Variants in PTPRR observed in about 807,000 individuals in gnomAD.
PTPRR encodes the protein protein tyrosine phosphatase receptor type R.
A neutral mutation model predicts 77.2 loss-of-function variants in PTPRR; 38 were observed. The observed-to-expected ratio is 0.49, with a 90% CI of 0.38 to 0.65. The LOEUF (loss-of-function observed/expected upper bound fraction) is 0.65. Among genes scored for constraint, PTPRR ranks in the 30% least tolerant of loss-of-function variants. The pLI, the probability that PTPRR is intolerant of heterozygous loss-of-function variation, is 0.00. For synonymous variants in PTPRR, 299 were observed against 283.1 expected, an observed-to-expected ratio of 1.06 and a Z score of -0.57; for missense variants, 744 against 799.2, an observed-to-expected ratio of 0.93 and a Z score of 0.83.
intron 8 of PTPRR, among the ~76,000 whole-genome samples, chr12:70,697,841 A>C (rs961589295): frequency 6.6e-6 from 1 of 152,182 alleles, no homozygotes; most frequent in Admixed American, 6.6e-5. Context: ...TCAGGTAGCC[A>C]TAATGTGTGG....
chr12:70,754,296 AT>A lies in PTPRR; in HGVS notation c.632del (p.Asn211MetfsTer31). 1 of 1,613,080 alleles carries A rather than the reference AT, an allele frequency of 6.2e-7. No homozygotes were observed. The highest frequency in any genetic ancestry group is 8.5e-7 in the Non-Finnish European group (1 of 1,179,662). The stretch of plus-strand genomic sequence containing the variant: ...CCGCTTCATGCTGCCCTTGTAAAAC[AT>A]TTTTCTTTAAAAGCAAAACAGAAAG... ...FGITEVSPEK[N>X]VLQGQHEADK... On this transcript the variant is annotated frameshift_variant, in exon 5 of 14. Transcript: ENST00000283228. LOFTEE classifies it high-confidence loss of function.
intron 2 of PTPRR, among the ~76,000 whole-genome samples, chr12:70,808,797 C>T (rs776055448): frequency 7.2e-5 from 11 of 152,084 alleles, no homozygotes; most frequent in Non-Finnish European, 1.6e-4. Flanking sequence ...CCATTTTTAC[C>T]CCTATTGCCT....
intron 2 of PTPRR, among the ~76,000 whole-genome samples, chr12:70,878,958 T>C (rs1243002712): frequency 1.3e-5 from 2 of 152,130 alleles, no homozygotes; most frequent in African/African-American, 4.8e-5. Flanking sequence ...TGTAGGGACA[T>C]GGATGAAGCT....
intron 6 of PTPRR, among the ~76,000 whole-genome samples, chr12:70,727,361 A>C (rs1318633845): frequency 6.6e-6 from 1 of 152,176 alleles, no homozygotes; most frequent in Non-Finnish European, 1.5e-5. Context: ...GATTGATTGA[A>C]GACCTTAATT....
chr12:70,795,243 C>T (rs538527956), intron 2 of PTPRR, among the ~76,000 whole-genome samples: 4 of 152,142 alleles, frequency 2.6e-5, no homozygotes, highest in East Asian at 1.9e-4. Context: ...TGTTACACAC[C>T]CAACTTATAT....
intron 5 of PTPRR, among the ~76,000 whole-genome samples, chr12:70,747,175 T>C (rs2136931334): frequency 6.6e-6 from 1 of 152,320 alleles, no homozygotes; most frequent in East Asian, 1.9e-4. Flanking sequence ...TTTAACTCAC[T>C]GCTTCTCTTC....
chr12:70,701,328 A>G lies in PTPRR; in HGVS notation c.1008-5T>C, dbSNP rs376443192. ...AGAGATACGTTGGACCCTCTTCTAC[A>G]TTGGAGAAGAATGTTATGTTTAAAC... On this transcript the variant is annotated splice_region_variant and splice_polypyrimidine_tract_variant and intron_variant, in intron 6 of 13. Transcript: ENST00000283228. 1.4e-5 allele frequency: 22 copies of G among 1,611,214 alleles called. No homozygotes were observed. Among genetic ancestry groups the G allele is most frequent in the Non-Finnish European group, 1.7e-5 (20 of 1,177,926 alleles).
intron 6 of PTPRR, among the ~76,000 whole-genome samples, chr12:70,728,209 T>C (rs544860674): frequency 5.2e-4 from 75 of 145,518 alleles, no homozygotes; most frequent in Non-Finnish European, 9.9e-4. Context: ...TGGATTTTTT[T>C]TTTTTCAGAT....
intron 7 of PTPRR, among the ~76,000 whole-genome samples, chr12:70,700,217 C>T (rs1888370267): frequency 6.6e-6 from 1 of 152,162 alleles, no homozygotes; most frequent in Non-Finnish European, 1.5e-5. Context: ...AGGATGGCTG[C>T]AAATGCCTGA....
At chr12:70,869,265 G>T (rs1892919546) in intron 2 of PTPRR, among the ~76,000 whole-genome samples, 1 of 152,086 alleles carries the variant, frequency 6.6e-6, no homozygotes, top group African/African-American at 2.4e-5. Context: ...CTCACTGAGG[G>T]TCACTCAAAA....
chr12:70,882,076 T>C (rs1893158516), intron 2 of PTPRR, among the ~76,000 whole-genome samples: 1 of 152,152 alleles, frequency 6.6e-6, no homozygotes, highest in African/African-American at 2.4e-5. Context: ...TTCAACCTGG[T>C]TAAAGGTTTT....
intron 10 of PTPRR, among the ~76,000 whole-genome samples, chr12:70,683,492 A>C (rs576287322): frequency 6.6e-5 from 10 of 152,244 alleles, no homozygotes; most frequent in African/African-American, 2.4e-4. Context: ...TGGTTTCTGT[A>C]ACTGTCCTCA....
At chr12:70,880,999 C>T (rs1204020652) in intron 2 of PTPRR, among the ~76,000 whole-genome samples, 1 of 151,928 alleles carries the variant, frequency 6.6e-6, no homozygotes, top group Non-Finnish European at 1.5e-5. Context: ...ATTCATTTTC[C>T]CACACACAAT....
intron 2 of PTPRR, among the ~76,000 whole-genome samples, chr12:70,790,068 G>T (rs374890725): frequency 7.2e-5 from 11 of 152,098 alleles, no homozygotes; most frequent in Admixed American, 3.9e-4. Flanking sequence ...TGCATCATTA[G>T]TTCACCCTTT....
intron 1 of PTPRR, among the ~76,000 whole-genome samples, chr12:70,903,655 CTT>C (rs1389699248): frequency 6.6e-6 from 1 of 151,534 alleles, no homozygotes; most frequent in African/African-American, 2.4e-5. Flanking sequence ...AGAATAAAAT[CTT>C]TATTACCTAA....
At chr12:70,780,479 A>G (rs1891180783) in intron 2 of PTPRR, among the ~76,000 whole-genome samples, 1 of 152,286 alleles carries the variant, frequency 6.6e-6, no homozygotes, top group East Asian at 1.9e-4. Flanking sequence ...AAAAAGAAAT[A>G]AGGATTATTT....
chr12:70,764,825 T>C (rs1890777245), intron 2 of PTPRR, 47 bp from the exon 3 acceptor site: 2 of 1,324,440 alleles, frequency 1.5e-6, no homozygotes, highest in African/African-American at 1.5e-5. Flanking sequence ...TATTAATTTG[T>C]ATAGATGTAT....
intron 8 of PTPRR, among the ~76,000 whole-genome samples, chr12:70,691,156 A>G (rs546938920): frequency 4.6e-5 from 7 of 152,200 alleles, no homozygotes; most frequent in African/African-American, 1.7e-4. Context: ...AATCCTCCTC[A>G]TGTACACTGT....
intron 8 of PTPRR, among the ~76,000 whole-genome samples, chr12:70,690,676 G>A (rs1014511949): frequency 6.6e-6 from 1 of 152,162 alleles, no homozygotes; most frequent in Non-Finnish European, 1.5e-5. Context: ...GCTGTCTTTA[G>A]TTAGCATATG....
Sources: gnomAD v4.1 joint callset for allele counts (sites outside exome capture counted in the v4.1 genomes callset) on GRCh38, gnomAD v4.1.1 for gene constraint, MANE v1.5 for transcripts, NCBI Gene and HGNC (gene_info 2026-07-23, HGNC 2026-07-21) for gene names.